The following COL6A2 variants were observed in gnomAD, a reference collection of about 807,000 sequenced individuals.
COL6A2 encodes collagen alpha-2(VI) chain.
A neutral mutation model predicts 124.9 loss-of-function variants in COL6A2; 90 were observed. The observed-to-expected ratio is 0.72, with a 90% confidence interval of 0.61 to 0.86. The LOEUF is 0.86. Among genes scored for constraint, COL6A2 ranks in the 40% least tolerant of loss-of-function variants. COL6A2 has a pLI of 0.00. For synonymous variants in COL6A2, 793 were observed against 618.2 expected (o/e 1.28, Z -4.19); for missense variants, 1,607 against 1,502.5 (o/e 1.07, Z -1.15).
rs749140095 is a variant in COL6A2, at chr21:46,121,163, C to A, written c.1458+40C>A. On this transcript the variant is annotated intron_variant, in intron 17 of 27. Transcript: ENST00000300527. ...AGGAGGCCGGTGCCCTCTGACCCCA[C>A]GGGTGGGTCTCCCCTATCCATGTGG... is the stretch of plus-strand genomic sequence containing the variant. 10 of 1,593,814 alleles carry A rather than the reference C, an allele frequency of 6.3e-6. No homozygotes were observed. The Admixed American group carries it at 1.7e-4, about 27-fold the overall frequency.
At chr21:46,131,031 C>T (rs549831231) in intron 27 of COL6A2, among the ~76,000 whole-genome samples, 17 of 152,350 alleles carry the variant, frequency 1.1e-4, no homozygotes, top group African/African-American at 2.6e-4. Flanking sequence ...AACCGAGTTT[C>T]GGGTCAGGGT....
At chr21:46,128,965 GCCA>G (rs1215518045) in intron 27 of COL6A2, 1 of 1,609,984 alleles carries the variant, frequency 6.2e-7, no homozygotes, top group African/African-American at 1.3e-5. Flanking sequence ...CCCCAAAGGT[GCCA>G]CCGTGCGGGT....
intron 21 of COL6A2, among the ~76,000 whole-genome samples, chr21:46,124,236 A>G (rs1210344479): frequency 2.0e-5 from 3 of 146,578 alleles, no homozygotes; most frequent in Non-Finnish European, 4.5e-5. Flanking sequence ...TGGATGGGTG[A>G]CTGGGTGGAT....
At chr21:46,123,333 T>TC (rs780236336) in intron 21 of COL6A2, among the ~76,000 whole-genome samples, 1 of 130,738 alleles carries the variant, frequency 7.6e-6, no homozygotes, top group Non-Finnish European at 1.6e-5. Flanking sequence ...CCACATAGCA[T>TC]CCCCCTCAGA....
At chr21:46,127,705 T>G (rs1360864587) in intron 27 of COL6A2, among the ~76,000 whole-genome samples, 1 of 141,326 alleles carries the variant, frequency 7.1e-6, no homozygotes, top group Non-Finnish European at 1.5e-5. Flanking sequence ...CGATGGTCAC[T>G]GTGGGTGCTT....
At chr21:46,099,937 G>C (rs866356477) in intron 1 of COL6A2, among the ~76,000 whole-genome samples, 15 of 135,010 alleles carry the variant, frequency 1.1e-4, no homozygotes, top group Middle Eastern at 4.1e-3. Context: ...AAGGAATGAT[G>C]CCTTGTTGGG....
At chr21:46,129,012 C>T in intron 27 of COL6A2, 4 of 1,604,920 alleles carry the variant, frequency 2.5e-6, no homozygotes, top group Non-Finnish European at 3.4e-6. Context: ...TGTCCCTGTG[C>T]TCACTGCCCC....
At chr21:46,112,674 A>G in intron 3 of COL6A2, 97 bp downstream of exon 3, 1 of 1,593,132 alleles carries the variant, frequency 6.3e-7, no homozygotes, top group Non-Finnish European at 8.6e-7. Context: ...GTGAGTGCGG[A>G]GGCCGAAGGA....
intron 1 of COL6A2, among the ~76,000 whole-genome samples, chr21:46,101,590 G>C (rs931579456): frequency 6.6e-6 from 1 of 152,016 alleles, no homozygotes; most frequent in African/African-American, 2.4e-5. Flanking sequence ...ATTAGGTAAG[G>C]GTCTAACTTC....
At chr21:46,120,114 C>T (rs1329760434) in intron 15 of COL6A2, among the ~76,000 whole-genome samples, 1 of 112,334 alleles carries the variant, frequency 8.9e-6, no homozygotes, top group Admixed American at 8.4e-5. Flanking sequence ...GCACCACTCA[C>T]ACCCCCCGGC....
intron 5 of COL6A2, among the ~76,000 whole-genome samples, chr21:46,114,295 T>A (rs561546251): frequency 6.6e-6 from 1 of 151,722 alleles, no homozygotes; most frequent in African/African-American, 2.4e-5. Flanking sequence ...CGTAGTGGCA[T>A]GCGCCTGTAG....
intron 21 of COL6A2, among the ~76,000 whole-genome samples, chr21:46,124,430 C>G (rs137861221): frequency 1.8e-3 from 280 of 152,264 alleles, no homozygotes; most frequent in Non-Finnish European, 2.5e-3. Flanking sequence ...GGCCCCTACC[C>G]CTCTGGTGGG....
At chr21:46,131,045 C>G (rs932113305) in intron 27 of COL6A2, among the ~76,000 whole-genome samples, 2 of 152,216 alleles carry the variant, frequency 1.3e-5, no homozygotes, top group African/African-American at 4.8e-5. Flanking sequence ...TCAGGGTCCT[C>G]TGTGTGCATT....
chr21:46,132,595 C>A lies in COL6A2; in HGVS notation c.*43C>A, dbSNP rs754132293. 15 of 1,539,718 alleles carry A rather than the reference C, an allele frequency of 9.7e-6. No homozygotes were observed. The highest frequency in any genetic ancestry group is 1.2e-5 in the Non-Finnish European group (14 of 1,142,466). On this transcript the variant is annotated 3_prime_UTR_variant, in exon 28 of 28. Coordinates refer to ENST00000300527, the MANE Select transcript of COL6A2 (RefSeq NM_001849.4). ...CGCAGTCGAGGGTCGTGAGCCCACC[C>A]CGTCCATGGTGCTAAGCGGGCCCGG...
At chr21:46,108,723 A>G (rs767797887) in intron 1 of COL6A2, among the ~76,000 whole-genome samples, 4 of 152,272 alleles carry the variant, frequency 2.6e-5, no homozygotes, top group Middle Eastern at 3.4e-3. Context: ...TTAACTTCAT[A>G]TTATAGTTCT....
In COL6A2 at chr21:46,116,732, C is replaced by G. The variant is rs2078476561; in HGVS notation, c.955-38C>G. ...CTTCCTGCTGCTCAGGGCAGAAGGACCGGGGCTAATGGAGTTCCCTCTTCC... is the reference window on the plus strand; with the variant it reads ...CTTCCTGCTGCTCAGGGCAGAAGGAGCGGGGCTAATGGAGTTCCCTCTTCC... On this transcript the variant is annotated intron_variant, in intron 9 of 27. Coordinates refer to ENST00000300527, the MANE Select transcript of COL6A2 (RefSeq NM_001849.4). The surrounding 1 kb of genome is among the most constrained non-coding windows in gnomAD (Gnocchi z 4.6). The G allele has an allele frequency of 1.9e-6, 3 of 1,612,942 alleles. No individual in the cohort carries two copies. Among genetic ancestry groups the G allele is most frequent in the African/African-American group, 2.7e-5 (2 of 74,930 alleles).
intron 1 of COL6A2, among the ~76,000 whole-genome samples, chr21:46,106,666 G>C (rs1405947012): frequency 6.6e-6 from 1 of 152,058 alleles, no homozygotes; most frequent in Non-Finnish European, 1.5e-5. Context: ...CTAGTCACAG[G>C]GTGAGCCCTC....
intron 5 of COL6A2, among the ~76,000 whole-genome samples, chr21:46,115,347 C>T (rs1042445817): frequency 1.3e-5 from 2 of 152,200 alleles, no homozygotes; most frequent in African/African-American, 4.8e-5. Flanking sequence ...TTCCTCTGCT[C>T]CTCTTTGCAC....
At chr21:46,129,687 G>GCATCTTCCAGTCTCTCCTC in intron 27 of COL6A2, 1 of 1,415,494 alleles carries the variant, frequency 7.1e-7, no homozygotes, top group South Asian at 1.6e-5. Context: ...TGCTGCGGCT[G>GCATCTTCCAGTCTCTCCTC]CATCTTCCAG....
Sources: gnomAD v4.1 joint callset for allele counts (sites outside exome capture counted in the v4.1 genomes callset) on GRCh38, gnomAD v4.1.1 for gene constraint, Gnocchi (gnomAD v3.1) non-coding constraint, MANE v1.5 for transcripts, NCBI Gene and HGNC (gene_info 2026-07-23, HGNC 2026-07-21) for gene names.